DHRSX: variants seen among roughly 807,000 people sequenced by gnomAD.
The protein encoded by DHRSX is dehydrogenase/reductase X-linked.
Under a neutral mutation model 34.0 loss-of-function variants are expected in DHRSX, and 31 were observed. The ratio of observed to expected loss-of-function variants is 0.91; its 90% CI spans 0.69 to 1.23. The LOEUF is 1.23. Among genes scored for constraint, DHRSX ranks in the 50% most tolerant of loss-of-function variants. The pLI is 0.00. For missense variants in DHRSX, 414 were observed against 428.1 expected (o/e 0.97, Z 0.29); for synonymous variants, 201 against 183.8 (o/e 1.09, Z -0.76).
intron 1 of DHRSX, among the ~76,000 whole-genome samples, chrX:2,440,189 T>C (rs2044044890): frequency 6.6e-6 from 1 of 152,032 alleles, no homozygotes; most frequent in African/African-American, 2.4e-5. Flanking sequence ...TCTGTCTTCT[T>C]ATTTGTTCTT....
intron 3 of DHRSX, among the ~76,000 whole-genome samples, chrX:2,320,275 T>C (rs1219467888): frequency 1.6e-5 from 2 of 126,258 alleles, no homozygotes; most frequent in African/African-American, 5.9e-5. Context: ...CTTCACATAT[T>C]TCCCTATGTG....
intron 1 of DHRSX, among the ~76,000 whole-genome samples, chrX:2,438,605 T>C (rs1441684173): frequency 6.6e-6 from 1 of 150,762 alleles, no homozygotes; most frequent in Admixed American, 6.6e-5. Flanking sequence ...GAGGCGGACA[T>C]TGCGGTGAGC....
chrX:2,456,173 C>T (rs1409877950), intron 1 of DHRSX, among the ~76,000 whole-genome samples: 2 of 152,132 alleles, frequency 1.3e-5, no homozygotes, highest in Non-Finnish European at 2.9e-5. Flanking sequence ...ACGACTGTAA[C>T]AGGGACAATG....
chrX:2,410,629 T>A (rs1228135867), intron 2 of DHRSX, among the ~76,000 whole-genome samples: 5 of 152,228 alleles, frequency 3.3e-5, no homozygotes, highest in African/African-American at 1.2e-4. Flanking sequence ...TTGTATTCGG[T>A]ATTCTTTCTT....
intron 1 of DHRSX, among the ~76,000 whole-genome samples, chrX:2,436,211 AAAAT>A (rs1300871536): frequency 2.6e-5 from 4 of 151,956 alleles, no homozygotes; most frequent in South Asian, 4.2e-4. Flanking sequence ...AATAACAACA[AAAAT>A]AAATAAATAA....
At position 2,346,559 on chromosome X, in the gene DHRSX, C is replaced by G. The variant is rs189913158; in HGVS notation, c.287-54956G>C. Among the ~76,000 whole-genome samples the G allele has an allele frequency of 2.7e-4, 41 of 152,212 alleles. No homozygotes were observed. In the Middle Eastern group the frequency reaches 0.024, roughly 88 times the overall value. ...TTTGGAAAGCCTCCCATAGCTTCTT[C>G]TCACAGCAAATCTAAGTAAACTACA... On this transcript the variant is annotated intron_variant, in intron 3 of 6. Transcript: ENST00000334651.
intron 2 of DHRSX, among the ~76,000 whole-genome samples, chrX:2,409,018 T>C (rs1321811959): frequency 4.6e-5 from 7 of 152,218 alleles, no homozygotes; most frequent in Non-Finnish European, 1.0e-4. Context: ...TTCTTTAGCC[T>C]GCATTGGCAA....
At chrX:2,243,353 A>G (rs539479806) in intron 5 of DHRSX, 123 bp from the exon 6 acceptor site, 2 of 734,876 alleles carry the variant, frequency 2.7e-6, no homozygotes, top group South Asian at 3.8e-5. Flanking sequence ...CCCTAGACCC[A>G]TGTGTGATCA....
intron 1 of DHRSX, among the ~76,000 whole-genome samples, chrX:2,430,541 G>A (rs2043905576): frequency 6.6e-6 from 1 of 152,138 alleles, no homozygotes; most frequent in Non-Finnish European, 1.5e-5. Context: ...CAGAGAACTG[G>A]CTGGACGCTC....
intron 3 of DHRSX, among the ~76,000 whole-genome samples, chrX:2,344,173 G>A (rs1194805376): frequency 2.0e-5 from 3 of 152,166 alleles, no homozygotes; most frequent in Non-Finnish European, 4.4e-5. Flanking sequence ...GACAGAAAAG[G>A]TGAAAACTGA....
chrX:2,466,381 T>C lies in DHRSX; in HGVS notation c.109+34436A>G, dbSNP rs181160098. 8.3e-3 allele frequency among the ~76,000 whole-genome samples: 1,251 copies of C among 150,070 alleles called. 16 individuals are homozygous for C. The highest frequency in any genetic ancestry group is 0.03 in the African/African-American group (1,181 of 39,854). On this transcript the variant is annotated intron_variant, in intron 1 of 6. Coordinates refer to ENST00000334651, the MANE Select transcript of DHRSX (RefSeq NM_145177.3). Reference sequence around the variant, plus strand: ...TGAACCCAGGAACAGGAGGTTGTGGTGAGCTGAGATCACACCACTGCACTC... The same window carrying C: ...TGAACCCAGGAACAGGAGGTTGTGGCGAGCTGAGATCACACCACTGCACTC...
chrX:2,289,622 C>T (rs1047977768), intron 4 of DHRSX, among the ~76,000 whole-genome samples: 31 of 152,152 alleles, frequency 2.0e-4, no homozygotes, highest in South Asian at 6.2e-4. Flanking sequence ...TTACACAGAA[C>T]GAGGAAATGA....
intron 1 of DHRSX, among the ~76,000 whole-genome samples, chrX:2,456,331 C>T (rs1053577877): frequency 1.0e-3 from 155 of 152,000 alleles, no homozygotes; most frequent in Non-Finnish European, 1.7e-3. Flanking sequence ...ATGAAGGGTG[C>T]GGCCGGGCGC....
At chrX:2,415,219 C>G (rs1227748415) in intron 2 of DHRSX, among the ~76,000 whole-genome samples, 4 of 151,690 alleles carry the variant, frequency 2.6e-5, no homozygotes, top group South Asian at 2.1e-4. Flanking sequence ...CTCATCATGA[C>G]CAATGCACTA....
intron 3 of DHRSX, among the ~76,000 whole-genome samples, chrX:2,347,523 G>A (rs1398358594): frequency 1.3e-5 from 2 of 152,160 alleles, no homozygotes; most frequent in Non-Finnish European, 2.9e-5. Flanking sequence ...GCAAAAGCCC[G>A]TCTCTAGTAA....
At position 2,341,651 on chromosome X, in the gene DHRSX, C is replaced by CT. The variant is rs112680079; in HGVS notation, c.287-50049dup. ...ATGTACAGATTCAAGGTGAACTTGT[C>CT]TTTTTTTTTTTTTTGGTGGGGGTGG... On this transcript the variant is annotated intron_variant, in intron 3 of 6. Transcript: ENST00000334651. 5.8e-3 allele frequency among the ~76,000 whole-genome samples: 703 copies of CT among 121,074 alleles called. 12 individuals are homozygous for CT. The East Asian group carries it at 0.079, about 14-fold the overall frequency. 79.4% of individuals were successfully genotyped at this position (121,074 alleles called of 152,430 possible).
chrX:2,225,341 C>A (rs1256941440), intron 6 of DHRSX, among the ~76,000 whole-genome samples: 1 of 151,566 alleles, frequency 6.6e-6, no homozygotes, highest in South Asian at 2.1e-4. Flanking sequence ...CCCTCATTCA[C>A]AAGTACGCAC....
At position 2,335,631 on chromosome X, in the gene DHRSX, T is replaced by C. The variant is rs761878344; in HGVS notation, c.287-44028A>G. Among the ~76,000 whole-genome samples the C allele has an allele frequency of 4.0e-5, 6 of 151,804 alleles. No individual in the cohort carries two copies. The East Asian group carries it at 1.2e-3, about 30-fold the overall frequency. On this transcript the variant is annotated intron_variant, in intron 3 of 6. Coordinates refer to ENST00000334651, the MANE Select transcript of DHRSX (RefSeq NM_145177.3). ...ATGCCCAGCTAGTTTTTAAAATATT[T>C]TTAGTAGAGATGGGGCTTCATCATA...
chrX:2,421,678 G>A (rs2043781915), intron 2 of DHRSX, among the ~76,000 whole-genome samples: 2 of 152,178 alleles, frequency 1.3e-5, no homozygotes, highest in South Asian at 4.1e-4. Context: ...GGTGTGGGCA[G>A]CAGCCGTGCA....
Sources: gnomAD v4.1 joint callset for allele counts (sites outside exome capture counted in the v4.1 genomes callset) on GRCh38, gnomAD v4.1.1 for gene constraint, MANE v1.5 for transcripts, NCBI Gene and HGNC (gene_info 2026-07-23, HGNC 2026-07-21) for gene names.